Variants in HDAC8 observed in about 807,000 individuals in gnomAD.
HDAC8 encodes the protein histone deacetylase-like 1.
Under a neutral mutation model 32.2 loss-of-function variants are expected in HDAC8, and 1 was observed. The ratio of observed to expected loss-of-function variants is 0.03; its 90% CI spans 0.01 to 0.15. The LOEUF is 0.15. Among genes scored for constraint, HDAC8 ranks in the 10% least tolerant of loss-of-function variants. The pLI is 1.00. For synonymous variants in HDAC8, 108 were observed against 113.9 expected (o/e 0.95, Z 0.33); for missense variants, 117 against 300.0 (o/e 0.39, Z 4.51).
chrX:72,487,789 AAAAC>A (rs1556006849), intron 7 of HDAC8, among the ~76,000 whole-genome samples: 1 of 110,417 alleles, frequency 9.1e-6, no homozygotes, highest in Non-Finnish European at 1.9e-5. Context: ...GATTAAAAGA[AAAAC>A]AAAATAATTC....
At chrX:72,491,178 A>AT (rs1376538770) in intron 5 of HDAC8, among the ~76,000 whole-genome samples, 172 bp from the exon 6 acceptor site, 4 of 112,042 alleles carry the variant, frequency 3.6e-5, no homozygotes, top group Non-Finnish European at 7.5e-5. Flanking sequence ...TAATCTCGTA[A>AT]TTACAAGATG....
intron 5 of HDAC8, among the ~76,000 whole-genome samples, chrX:72,492,776 G>A (rs1445108048): frequency 5.4e-5 from 6 of 111,315 alleles, no homozygotes; most frequent in Non-Finnish European, 9.4e-5. Flanking sequence ...CTTAAACTCC[G>A]ATACTAATAG....
chrX:72,392,599 G>C (rs1331354534), intron 9 of HDAC8, among the ~76,000 whole-genome samples: 1 of 112,244 alleles, frequency 8.9e-6, no homozygotes, highest in Admixed American at 9.4e-5. Flanking sequence ...TAAAAGTGCT[G>C]TGAGGCACAA....
chrX:72,485,266 T>G (rs1351460121), intron 7 of HDAC8, among the ~76,000 whole-genome samples: 1 of 111,930 alleles, frequency 8.9e-6, no homozygotes, highest in Non-Finnish European at 1.9e-5. Context: ...TCATGAAAAT[T>G]ATGGGAAGCT....
chrX:72,571,536 T>C (rs1556155263), intron 2 of HDAC8, among the ~76,000 whole-genome samples: 1 of 100,921 alleles, frequency 9.9e-6, no homozygotes, highest in African/African-American at 3.7e-5. Context: ...TTTTCTTTTC[T>C]TTTTCTTTCT....
chrX:72,563,454 T>C (rs1218678602), intron 4 of HDAC8, among the ~76,000 whole-genome samples: 2 of 110,795 alleles, frequency 1.8e-5, no homozygotes, highest in Non-Finnish European at 3.8e-5. Context: ...TGTGGGAGGA[T>C]TGCTTGACCT....
rs371348432 is a variant in HDAC8, at chrX:72,406,020, C to T, written c.1006-54182G>A. On this transcript the variant is annotated intron_variant, in intron 9 of 10. Transcript: ENST00000373573. ...CATATATAATTTCTGTATCTAAAGT[C>T]TGGTTATATTTTGTCTTTTTTTTCC... Among the ~76,000 whole-genome samples, 9 of 111,508 alleles carry T rather than the reference C, an allele frequency of 8.1e-5. No homozygotes were observed. The East Asian group carries it at 1.7e-3, about 21-fold the overall frequency.
At chrX:72,434,611 A>G (rs1054909091) in intron 9 of HDAC8, among the ~76,000 whole-genome samples, 1 of 111,980 alleles carries the variant, frequency 8.9e-6, no homozygotes, top group Non-Finnish European at 1.9e-5. Context: ...AGTACCTAAT[A>G]CAGCACCATA....
At chrX:72,563,116 A>G (rs1357223000) in intron 4 of HDAC8, among the ~76,000 whole-genome samples, 5 of 110,916 alleles carry the variant, frequency 4.5e-5, no homozygotes, top group African/African-American at 1.3e-4. Context: ...TCCTGACCTC[A>G]GGTGATCCAC....
intron 9 of HDAC8, among the ~76,000 whole-genome samples, chrX:72,441,221 C>T (rs1412721008): frequency 1.8e-5 from 2 of 112,821 alleles, no homozygotes; most frequent in South Asian, 3.6e-4. Context: ...TGAGAACAGG[C>T]AGACTGCCTC....
intron 9 of HDAC8, among the ~76,000 whole-genome samples, chrX:72,434,615 C>T (rs1010397531): frequency 7.2e-5 from 8 of 111,861 alleles, no homozygotes; most frequent in Admixed American, 9.5e-5. Context: ...CCTAATACAG[C>T]ACCATACTCA....
chrX:72,348,199 G>A (rs190746203), intron 10 of HDAC8, among the ~76,000 whole-genome samples: 3 of 112,217 alleles, frequency 2.7e-5, no homozygotes, highest in Admixed American at 9.4e-5. Flanking sequence ...CACACATAGA[G>A]TGGAGCTGAA....
intron 9 of HDAC8, among the ~76,000 whole-genome samples, chrX:72,390,453 ATTG>A (rs1323371756): frequency 8.9e-6 from 1 of 112,262 alleles, no homozygotes; most frequent in Admixed American, 9.4e-5. Flanking sequence ...TATATAAGAA[ATTG>A]TTGTTAATTA....
Position 72,368,400 on chromosome X carries a change from A to G in HDAC8, c.1006-16562T>C, listed in dbSNP as rs1389309945. Among the ~76,000 whole-genome samples, 6 of 95,651 alleles carry G rather than the reference A, an allele frequency of 6.3e-5. No individual in the cohort carries two copies. In the East Asian group the frequency reaches 1.9e-3, roughly 31 times the overall value. 83.1% of individuals were successfully genotyped at this position (95,651 alleles called of 115,157 possible). On this transcript the variant is annotated intron_variant, in intron 9 of 10. Coordinates refer to ENST00000373573, the MANE Select transcript of HDAC8 (RefSeq NM_018486.3). Reference sequence around the variant, plus strand: ...TGAGATGGAGTCTCACTCTGTCGCCAGGCTGGAGTGCAGTGGCGCGATCTC... The same window carrying G: ...TGAGATGGAGTCTCACTCTGTCGCCGGGCTGGAGTGCAGTGGCGCGATCTC...
chrX:72,344,804 A>T (rs1218871759), intron 10 of HDAC8, among the ~76,000 whole-genome samples: 1 of 111,129 alleles, frequency 9.0e-6, no homozygotes, highest in East Asian at 2.8e-4. Flanking sequence ...GCTCTCAGTC[A>T]TTTCTTCTAT....
At chrX:72,437,731 T>C (rs1602833940) in intron 9 of HDAC8, among the ~76,000 whole-genome samples, 1 of 111,939 alleles carries the variant, frequency 8.9e-6, no homozygotes, top group African/African-American at 3.2e-5. Context: ...TCTGGGAAGT[T>C]TGAACTGGGT....
intron 9 of HDAC8, among the ~76,000 whole-genome samples, chrX:72,418,485 A>G (rs1057104249): frequency 8.9e-6 from 1 of 112,051 alleles, no homozygotes; most frequent in South Asian, 3.7e-4. Flanking sequence ...ACAGTGAGAT[A>G]CCATTTTATA....
chrX:72,410,371 G>A (rs1042824841), intron 9 of HDAC8, among the ~76,000 whole-genome samples: 2 of 110,968 alleles, frequency 1.8e-5, no homozygotes, highest in African/African-American at 6.6e-5. Context: ...ATGGCAAGCA[G>A]AGGCAGATTT....
chrX:72,553,613 A>ATG (rs1352037252), intron 4 of HDAC8, among the ~76,000 whole-genome samples: 2 of 111,851 alleles, frequency 1.8e-5, no homozygotes, highest in East Asian at 5.6e-4. Flanking sequence ...AAATATATAT[A>ATG]CAATCCCTTG....
Sources: gnomAD v4.1 joint callset for allele counts (sites outside exome capture counted in the v4.1 genomes callset) on GRCh38, gnomAD v4.1.1 for gene constraint, MANE v1.5 for transcripts, NCBI Gene and HGNC (gene_info 2026-07-23, HGNC 2026-07-21) for gene names.